The following MAGEC3 variants were observed in gnomAD, a reference collection of about 807,000 sequenced individuals.
MAGEC3 encodes MAGE family member C3, also known as melanoma-associated antigen C3.
A neutral mutation model predicts 35.3 loss-of-function variants in MAGEC3; 34 were observed. That is an observed-to-expected ratio of 0.96 (90% CI 0.73 to 1.28). MAGEC3 has a LOEUF of 1.28. MAGEC3 is among the 50% of genes most tolerant of loss of function. The pLI, the probability that MAGEC3 is intolerant of heterozygous loss-of-function variation, is 0.00. For synonymous variants in MAGEC3, 202 were observed against 185.6 expected (o/e 1.09, Z -0.72); for missense variants, 561 against 483.6 (o/e 1.16, Z -1.50).
chrX:141,847,700 G>A (rs1481564473), intron 1 of MAGEC3, among the ~76,000 whole-genome samples: 1 of 110,730 alleles, frequency 9.0e-6, no homozygotes, highest in East Asian at 2.8e-4. Context: ...GAATTTATGG[G>A]GTCTGGCTAA....
Position 141,897,632 on chromosome X carries a change from A to G in MAGEC3, c.1732A>G (p.Ile578Val). Residue 578 changes from isoleucine to valine, a missense_variant, in exon 8 of 8, where the codon ATT (isoleucine) becomes GTT (valine). By Grantham distance (29) the Ile-to-Val change is conservative. Transcript: ENST00000298296. Reference sequence around the variant, plus strand: ...GAATTTTTGTGGGGTCCAAGAGCCCATTCAGAGGCCAGCAAGAGAAGTCTT... The same window carrying G: ...GAATTTTTGTGGGGTCCAAGAGCCCGTTCAGAGGCCAGCAAGAGAAGTCTT... ...IWEVLSAIGPIQRPAREVLEF... is the reference protein window; with the variant it reads ...IWEVLSAIGPVQRPAREVLEF... 1 of 1,208,540 alleles carries G rather than the reference A, an allele frequency of 8.3e-7. No homozygotes were observed. The highest frequency in any genetic ancestry group is 2.2e-5 in the Admixed American group (1 of 45,839).
intron 4 of MAGEC3, among the ~76,000 whole-genome samples, chrX:141,889,256 A>G (rs989051629): frequency 1.8e-5 from 2 of 111,727 alleles, no homozygotes; most frequent in Admixed American, 1.9e-4. Flanking sequence ...TATGCTCTGA[A>G]TCAGTGTTCA....
rs1409521420 is a variant in MAGEC3, at chrX:141,881,561, T to G, written c.674T>G (p.Ile225Ser). Residue 225 changes from isoleucine (I) to serine (S), a missense_variant, in exon 4 of 8, where the codon ATC becomes AGC. By Grantham distance (142) the Ile-to-Ser change is moderately radical (BLOSUM62 -2). Coordinates refer to ENST00000298296, the MANE Select transcript of MAGEC3 (RefSeq NM_138702.1). ...ACATACACGGGCTACTTTCCTATGA[T>G]CTTCAGGAAAGCCCGTGAGTTCATA... ...INTYTGYFPM[I>S]FRKAREFIEI... is the part of the protein sequence containing the mutation. 8.3e-7 allele frequency: 1 copy of G among 1,209,461 alleles called. No individual in the cohort carries two copies. The highest frequency in any genetic ancestry group is 3.0e-5 in the East Asian group (1 of 33,731).
chrX:141,859,029 A>G (rs1176857501), intron 1 of MAGEC3, among the ~76,000 whole-genome samples: 1 of 109,090 alleles, frequency 9.2e-6, no homozygotes, highest in Non-Finnish European at 1.9e-5. Flanking sequence ...GGTATATTAC[A>G]AGTCATATGA....
chrX:141,859,017 A>C (rs2017798594), intron 1 of MAGEC3, among the ~76,000 whole-genome samples: 1 of 109,626 alleles, frequency 9.1e-6, no homozygotes. Context: ...ATTCCATAGT[A>C]TGGTATATTA....
chrX:141,889,249 G>T (rs1169865328), intron 4 of MAGEC3, among the ~76,000 whole-genome samples: 1 of 111,791 alleles, frequency 8.9e-6, no homozygotes, highest in Non-Finnish European at 1.9e-5. Context: ...GGCCCTGTAT[G>T]CTCTGAATCA....
chrX:141,889,016 G>A (rs185828964), intron 4 of MAGEC3, among the ~76,000 whole-genome samples: 17 of 112,151 alleles, frequency 1.5e-4, no homozygotes, highest in African/African-American at 5.2e-4. Context: ...CTTATTCACC[G>A]TCATGGTATT....
At chrX:141,883,501 A>G (rs938413494) in intron 4 of MAGEC3, among the ~76,000 whole-genome samples, 2 of 112,359 alleles carry the variant, frequency 1.8e-5, no homozygotes, top group Middle Eastern at 4.6e-3. Context: ...ATACTCCCAC[A>G]TAGGGTGGTG....
At chrX:141,847,103 C>T (rs1349201306) in intron 1 of MAGEC3, among the ~76,000 whole-genome samples, 1 of 110,856 alleles carries the variant, frequency 9.0e-6, no homozygotes, top group East Asian at 2.8e-4. Flanking sequence ...ATTAGATGAA[C>T]TTTAGAATCA....
chrX:141,870,956 G>A (rs889919071), intron 2 of MAGEC3, among the ~76,000 whole-genome samples: 4 of 112,173 alleles, frequency 3.6e-5, no homozygotes, highest in Non-Finnish European at 7.5e-5. Flanking sequence ...ACACCTTGAA[G>A]ACATTAGTAT....
In MAGEC3 at chrX:141,854,985, T is replaced by C. The variant is rs551505641; in HGVS notation, c.124-10486T>C. Among the ~76,000 whole-genome samples the C allele has an allele frequency of 1.2e-4, 13 of 111,804 alleles. No homozygotes were observed. In the Admixed American group the frequency reaches 1.2e-3, roughly 11 times the overall value. ...ATTTGGGAACTAATTTCTTCATCTT[T>C]CCCTAACTGGAATTTTCAGACATTC... On this transcript the variant is annotated intron_variant, in intron 1 of 7. Coordinates refer to ENST00000298296, the MANE Select transcript of MAGEC3 (RefSeq NM_138702.1).
chrX:141,842,733 A>G (rs1400734982), intron 1 of MAGEC3, among the ~76,000 whole-genome samples: 1 of 111,884 alleles, frequency 8.9e-6, no homozygotes, highest in Admixed American at 9.5e-5. Flanking sequence ...TAGCCCACAC[A>G]GTGAATCACT....
chrX:141,881,900 G>C (rs2017969495), intron 4 of MAGEC3, 104 bp downstream of exon 4: 2 of 1,010,304 alleles, frequency 2.0e-6, no homozygotes, highest in Admixed American at 4.6e-5. Context: ...GTGCCCAGTA[G>C]TGCTCCTCCA....
intron 2 of MAGEC3, among the ~76,000 whole-genome samples, chrX:141,871,872 C>T (rs1569473888): frequency 3.9e-5 from 4 of 102,444 alleles, no homozygotes; most frequent in Admixed American, 1.1e-4. Context: ...GTAGGAGGGG[C>T]AAGGTTAGGG....
chrX:141,895,485 G>C lies in MAGEC3; in HGVS notation c.1049G>C (p.Gly350Ala), dbSNP rs2124130495. 8.3e-7 allele frequency: 1 copy of C among 1,211,014 alleles called. No homozygotes were observed. The highest frequency in any genetic ancestry group is 1.8e-5 in the South Asian group (1 of 56,947). Residue 350 changes from glycine (G) to alanine (A), a missense_variant and splice_region_variant, in exon 6 of 8, where the codon GGA becomes GCA. Coordinates refer to ENST00000298296, the MANE Select transcript of MAGEC3 (RefSeq NM_138702.1). ...CCCGGTCTGCCCTGCGCTGCCATAGGACTTGCAGGCCACAGACAGGAAGAT... is the reference window on the plus strand; with the variant it reads ...CCCGGTCTGCCCTGCGCTGCCATAGCACTTGCAGGCCACAGACAGGAAGAT... ...GSVLDLANPQ[G>A]LAGHRQEDGR... is the part of the protein sequence containing the mutation.
At chrX:141,846,869 C>T (rs946461525) in intron 1 of MAGEC3, among the ~76,000 whole-genome samples, 18 of 110,886 alleles carry the variant, frequency 1.6e-4, no homozygotes, top group African/African-American at 5.9e-4. Context: ...ATATTACTCT[C>T]ATTTTATGGG....
chrX:141,893,727 G>A (rs764035139), intron 4 of MAGEC3, among the ~76,000 whole-genome samples: 15 of 101,318 alleles, frequency 1.5e-4, no homozygotes, highest in African/African-American at 5.1e-4. Flanking sequence ...GGGGGGGGGC[G>A]TAGATATGTG....
chrX:141,865,091 T>G (rs1317817816), intron 1 of MAGEC3, among the ~76,000 whole-genome samples: 1 of 112,071 alleles, frequency 8.9e-6, no homozygotes, highest in East Asian at 2.8e-4. Flanking sequence ...ATTTTTGGAT[T>G]TTGAAAGCCC....
chrX:141,869,903 A>T (rs897603840), intron 2 of MAGEC3, among the ~76,000 whole-genome samples: 5 of 111,459 alleles, frequency 4.5e-5, no homozygotes, highest in Non-Finnish European at 9.4e-5. Flanking sequence ...CTAAAATATA[A>T]CCTATTAGAC....
Sources: allele counts gnomAD v4.1 joint callset (sites outside exome capture counted in the v4.1 genomes callset), GRCh38; gene constraint gnomAD v4.1.1; transcripts MANE v1.5; gene names NCBI Gene and HGNC (gene_info 2026-07-23, HGNC 2026-07-21).